The following ADCYAP1 variants were observed in gnomAD, a reference collection of about 807,000 sequenced individuals.
ADCYAP1 encodes the protein pituitary adenylate cyclase-activating polypeptide.
In ADCYAP1, 6 loss-of-function variants were observed where a neutral mutation model predicts 18.5. The observed-to-expected ratio is 0.32, with a 90% CI of 0.18 to 0.64. The LOEUF (loss-of-function observed/expected upper bound fraction) is 0.64. Among genes scored for constraint, ADCYAP1 ranks in the 30% least tolerant of loss-of-function variants. The pLI, the probability that ADCYAP1 is intolerant of heterozygous loss-of-function variation, is 0.77. For missense variants in ADCYAP1, 314 were observed against 253.6 expected (o/e 1.24, Z -1.62); for synonymous variants, 136 against 113.9 (o/e 1.19, Z -1.24).
Position 904,893 on chromosome 18 carries a change from A to G in ADCYAP1, c.-169A>G, listed in dbSNP as rs964819356. 7.8e-7 allele frequency: 1 copy of G among 1,288,434 alleles called. No homozygotes were observed. Among genetic ancestry groups the G allele is most frequent in the Non-Finnish European group, 1.0e-6 (1 of 988,052 alleles). The allele number at this position is 1,288,434 out of a possible 1,614,324, so 79.8% of individuals were successfully genotyped here. On this transcript the variant is annotated 5_prime_UTR_variant, in exon 1 of 5. Transcript: ENST00000450565. ...AGCAGAACACGAGCCTCGGCAAACGAGTCCCGCAGCTCCTCCTGCTGCTCC... is the reference window on the plus strand; with the variant it reads ...AGCAGAACACGAGCCTCGGCAAACGGGTCCCGCAGCTCCTCCTGCTGCTCC...
chr18:908,153 C>T, intron 3 of ADCYAP1, 112 bp from the exon 4 acceptor site: 1 of 935,282 alleles, frequency 1.1e-6, no homozygotes, highest in Non-Finnish European at 1.6e-6. Flanking sequence ...CTGGAGGTTT[C>T]CCTGTCAGCC....
chr18:907,967 C>T lies in ADCYAP1; in HGVS notation c.242+177C>T, dbSNP rs547918783. 65 of 1,210,628 alleles carry T rather than the reference C, an allele frequency of 5.4e-5. 1 individual carries two copies. In the African/African-American group the frequency reaches 9.6e-4, roughly 18 times the overall value. The allele number at this position is 1,210,628 out of a possible 1,614,324, so 75.0% of individuals were successfully genotyped here. Reference sequence around the variant, plus strand: ...GACAGAAAATCAGCAGCGGGCGGGTCTGTGTGGACCTGAGGGCCGCGTGGG... The same window carrying T: ...GACAGAAAATCAGCAGCGGGCGGGTTTGTGTGGACCTGAGGGCCGCGTGGG... On this transcript the variant is annotated intron_variant, in intron 3 of 4. Coordinates refer to ENST00000450565, the MANE Select transcript of ADCYAP1 (RefSeq NM_001099733.2).
At chr18:909,415 G>A (rs775638782) in intron 4 of ADCYAP1, 31 bp from the exon 5 acceptor site, 2 of 1,594,250 alleles carry the variant, frequency 1.3e-6, no homozygotes, top group South Asian at 1.1e-5. Context: ...CTCCCGCCCC[G>A]CCACCCTCTT....
At position 904,931 on chromosome 18, in the gene ADCYAP1, C is replaced by T. The variant is rs1210829053; in HGVS notation, c.-131C>T. On this transcript the variant is annotated 5_prime_UTR_variant, in exon 1 of 5. Transcript: ENST00000450565. ...CTCCTGCTGCTCCCGCTGGTTCCTG[C>T]GGCTTCTGCTCAGACACCAACGCCA... is the stretch of plus-strand genomic sequence containing the variant. 2 of 1,290,202 alleles carry T rather than the reference C, an allele frequency of 1.6e-6. No homozygotes were observed. Among genetic ancestry groups the T allele is most frequent in the Admixed American group, 4.6e-5 (2 of 43,576 alleles). 79.9% of individuals were successfully genotyped at this position (1,290,202 alleles called of 1,614,324 possible).
chr18:907,444 G>T (rs1413201096), intron 2 of ADCYAP1: 4 of 483,476 alleles, frequency 8.3e-6, no homozygotes, highest in East Asian at 7.5e-5. Context: ...CCCGCGAAGG[G>T]GGGGTGGGCG....
intron 3 of ADCYAP1, 173 bp downstream of exon 3, chr18:907,963 G>A: frequency 8.1e-7 from 1 of 1,238,914 alleles, no homozygotes; most frequent in African/African-American, 1.6e-5. Flanking sequence ...AGCAGCGGGC[G>A]GGTCTGTGTG....
chr18:904,603 C>T (rs1202201484), upstream of ADCYAP1: 7 of 1,259,420 alleles, frequency 5.6e-6, no homozygotes, highest in Admixed American at 1.7e-4. Flanking sequence ...GCAGAGAAGG[C>T]GCCGCCGACC....
upstream of ADCYAP1, chr18:904,745 C>G (rs902821973): frequency 2.4e-6 from 3 of 1,251,466 alleles, no homozygotes; most frequent in South Asian, 1.3e-5. Context: ...GGTGGACTTA[C>G]GGCCACCTTG....
At position 904,954 on chromosome 18, in the gene ADCYAP1, C is replaced by G; in HGVS notation, c.-108C>G. ...TGCGGCTTCTGCTCAGACACCAACGCCAGACGGCGATGCCTCTCGGGTGGT... is the reference window on the plus strand; with the variant it reads ...TGCGGCTTCTGCTCAGACACCAACGGCAGACGGCGATGCCTCTCGGGTGGT... On this transcript the variant is annotated 5_prime_UTR_variant, in exon 1 of 5. Transcript: ENST00000450565. 1 of 1,291,016 alleles carries G rather than the reference C, an allele frequency of 7.7e-7. No individual in the cohort carries two copies. Among genetic ancestry groups the G allele is most frequent in the South Asian group, 1.2e-5 (1 of 81,026 alleles). The allele number at this position is 1,291,016 out of a possible 1,614,324, so 80.0% of individuals were successfully genotyped here.
intron 3 of ADCYAP1, chr18:908,019 G>A (rs1010812142): frequency 1.4e-4 from 112 of 813,782 alleles, no homozygotes; most frequent in Non-Finnish European, 1.9e-4. Context: ...GGCCCAAAGA[G>A]TGGCAGTGAG....
At chr18:906,094 T>A (rs1475190149) in intron 2 of ADCYAP1, 1 of 152,254 alleles carries the variant, frequency 6.6e-6, no homozygotes, top group African/African-American at 2.4e-5. Flanking sequence ...CCGGTGTGAT[T>A]GAGGAAAAGC....
chr18:905,171 T>A (rs745472984), intron 1 of ADCYAP1, 111 bp downstream of exon 1: 1 of 1,404,878 alleles, frequency 7.1e-7, no homozygotes, highest in Non-Finnish European at 9.3e-7. Flanking sequence ...TGGCTAGTTA[T>A]TGGGCGCCGG....
At chr18:907,504 C>T (rs1909213350) in intron 2 of ADCYAP1, 155 bp from the exon 3 acceptor site, 2 of 805,474 alleles carry the variant, frequency 2.5e-6, no homozygotes, top group Non-Finnish European at 3.6e-6. Flanking sequence ...TCCTCCTTAC[C>T]TCTGCTCCCA....
chr18:907,962 C>A (rs1410403951), intron 3 of ADCYAP1, 172 bp downstream of exon 3: 18 of 1,263,876 alleles, frequency 1.4e-5, no homozygotes, highest in East Asian at 2.9e-5. Flanking sequence ...CAGCAGCGGG[C>A]GGGTCTGTGT....
chr18:909,729 C>A lies in ADCYAP1; in HGVS notation c.*94C>A, dbSNP rs1390476108. ...AACAGTCATCGCTCGTGTGTTCTAT[C>A]CAAACATGTATTTATGTAATGAAGT... On this transcript the variant is annotated 3_prime_UTR_variant, in exon 5 of 5. Transcript: ENST00000450565. The A allele has an allele frequency of 1.8e-6, 2 of 1,107,564 alleles. No homozygotes were observed. Among genetic ancestry groups the A allele is most frequent in the Non-Finnish European group, 1.3e-6 (1 of 779,860 alleles). The allele number at this position is 1,107,564 out of a possible 1,614,324, so 68.6% of individuals were successfully genotyped here. A position where few individuals can be genotyped will look rare whatever the true frequency, so the allele number is the denominator to read the frequency against.
intron 4 of ADCYAP1, among the ~76,000 whole-genome samples, 174 bp from the exon 5 acceptor site, chr18:909,272 C>G (rs928111202): frequency 9.9e-5 from 15 of 152,194 alleles, no homozygotes; most frequent in African/African-American, 2.7e-4. Flanking sequence ...GAGGGGCTGC[C>G]GTCTCGGCCC....
In ADCYAP1 at chr18:908,258, C is replaced by G. The variant is rs1348732759; in HGVS notation, c.243-7C>G. Reference sequence around the variant, plus strand: ...GACCCTGGGCGCGCACTTTGCCTCCCCGTTAGAGATGTCGCCCACGGGATC... The same window carrying G: ...GACCCTGGGCGCGCACTTTGCCTCCGCGTTAGAGATGTCGCCCACGGGATC... On this transcript the variant is annotated splice_region_variant and splice_polypyrimidine_tract_variant and intron_variant, in intron 3 of 4. Transcript: ENST00000450565. 6.2e-7 allele frequency: 1 copy of G among 1,610,038 alleles called. No individual in the cohort carries two copies. Among genetic ancestry groups the G allele is most frequent in the East Asian group, 2.2e-5 (1 of 44,762 alleles).
intron 2 of ADCYAP1, chr18:907,419 C>T (rs566455977): frequency 4.6e-5 from 20 of 434,698 alleles, no homozygotes; most frequent in African/African-American, 2.7e-4. Flanking sequence ...CCGTGGCCCG[C>T]AGGACGACCC....
chr18:908,359 G>A lies in ADCYAP1; in HGVS notation c.337G>A (p.Val113Met), dbSNP rs753686646. 1.2e-6 allele frequency: 2 copies of A among 1,612,458 alleles called. No individual in the cohort carries two copies. The highest frequency in any genetic ancestry group is 3.3e-5 in the Admixed American group (2 of 59,938). Residue 113 changes from valine to methionine, a missense_variant, in exon 4 of 5, where the codon GTG (valine) becomes ATG (methionine). By Grantham distance (21) the Val-to-Met change is conservative. Coordinates refer to ENST00000450565, the MANE Select transcript of ADCYAP1 (RefSeq NM_001099733.2). ...KHLQSLVARG[V>M]GGSLGGGAGD... ...CCTGCAGTCGCTCGTGGCCCGGGGC[G>A]TGGGGTAAGAGTTTGTGGAAGGATT...
Sources: allele counts gnomAD v4.1 joint callset (sites outside exome capture counted in the v4.1 genomes callset), GRCh38; gene constraint gnomAD v4.1.1; transcripts MANE v1.5; gene names NCBI Gene and HGNC (gene_info 2026-07-23, HGNC 2026-07-21).